Variants in NMBR observed in about 807,000 individuals in gnomAD.
NMBR encodes the protein neuromedin-B receptor.
A neutral mutation model predicts 20.5 loss-of-function variants in NMBR; 16 were observed. The observed-to-expected ratio is 0.78, with a 90% CI of 0.53 to 1.19. The LOEUF is 1.19. NMBR is among the 50% of genes most tolerant of loss of function. NMBR has a pLI of 0.00. For synonymous variants in NMBR, 212 were observed against 196.6 expected (o/e 1.08, Z -0.65); for missense variants, 582 against 499.1 (o/e 1.17, Z -1.58).
chr6:142,104,912 TTA>T (rs1279628212), intron 1 of NMBR, among the ~76,000 whole-genome samples: 15 of 152,198 alleles, frequency 9.9e-5, no homozygotes, highest in African/African-American at 3.6e-4. Flanking sequence ...GGTGGTGGGA[TTA>T]TCATTAGTTC....
At chr6:142,137,820 C>T (rs1022647063) in intron 1 of NMBR, among the ~76,000 whole-genome samples, 1 of 151,948 alleles carries the variant, frequency 6.6e-6, no homozygotes, top group African/African-American at 2.4e-5. Flanking sequence ...CATATTGAAC[C>T]AGCCTTGCAT....
At chr6:142,136,809 T>C (rs1179783948) in intron 1 of NMBR, among the ~76,000 whole-genome samples, 2 of 152,194 alleles carry the variant, frequency 1.3e-5, no homozygotes, top group Non-Finnish European at 2.9e-5. Flanking sequence ...TAGTTGTAGA[T>C]ATGCGGCAGT....
At chr6:142,120,585 A>G (rs1213141157) in intron 1 of NMBR, among the ~76,000 whole-genome samples, 1 of 151,962 alleles carries the variant, frequency 6.6e-6, no homozygotes, top group Admixed American at 6.6e-5. Flanking sequence ...CATTTGAAAT[A>G]CAAACAGGGC....
intron 1 of NMBR, among the ~76,000 whole-genome samples, chr6:142,098,580 C>T (rs571191357): frequency 4.6e-5 from 7 of 152,206 alleles, no homozygotes; most frequent in Non-Finnish European, 7.4e-5. Flanking sequence ...AATTTACAGT[C>T]ACCCTGAAAT....
intron 1 of NMBR, among the ~76,000 whole-genome samples, chr6:142,136,251 G>A (rs1175631835): frequency 6.6e-6 from 1 of 152,208 alleles, no homozygotes; most frequent in African/African-American, 2.4e-5. Flanking sequence ...GGCCAGTGAT[G>A]ATGAGCATTT....
intron 1 of NMBR, among the ~76,000 whole-genome samples, chr6:142,128,969 CT>C (rs1778089631): frequency 6.8e-6 from 1 of 146,502 alleles, no homozygotes; most frequent in African/African-American, 2.5e-5. Flanking sequence ...TTGTTGCAAA[CT>C]ATTAAATTAG....
At chr6:142,097,683 A>G (rs1777483362) in intron 1 of NMBR, among the ~76,000 whole-genome samples, 2 of 152,112 alleles carry the variant, frequency 1.3e-5, no homozygotes, top group African/African-American at 4.8e-5. Context: ...GAAATTACCA[A>G]CCATGAAAAT....
intron 1 of NMBR, chr6:142,133,158 C>T (rs1364228609): frequency 5.9e-6 from 4 of 677,782 alleles, no homozygotes; most frequent in South Asian, 3.1e-5. Flanking sequence ...TCTCCTGAGA[C>T]ATGTCTCTAA....
chr6:142,112,603 G>A (rs754942611), intron 1 of NMBR, among the ~76,000 whole-genome samples: 8 of 152,024 alleles, frequency 5.3e-5, no homozygotes, highest in Non-Finnish European at 1.0e-4. Flanking sequence ...ATCCTCTGTG[G>A]CAATAGGATT....
At chr6:142,109,509 TCA>T in intron 1 of NMBR, among the ~76,000 whole-genome samples, 1 of 136,776 alleles carries the variant, frequency 7.3e-6, no homozygotes, top group African/African-American at 2.7e-5. Context: ...AGTTGGAGTC[TCA>T]CTCTGTTGGC....
intron 1 of NMBR, among the ~76,000 whole-genome samples, chr6:142,092,958 A>G (rs1217773018): frequency 6.6e-6 from 1 of 152,192 alleles, no homozygotes; most frequent in African/African-American, 2.4e-5. Flanking sequence ...TACCAGCCAC[A>G]GTATAACAAC....
chr6:142,137,566 C>T (rs910045641), intron 1 of NMBR, among the ~76,000 whole-genome samples: 6 of 152,156 alleles, frequency 3.9e-5, no homozygotes, highest in African/African-American at 1.4e-4. Context: ...GCATCCCTGT[C>T]TTGTGCCAGT....
chr6:142,076,169 A>C (rs1776943962), intron 3 of NMBR, 120 bp from the exon 4 acceptor site: 2 of 710,240 alleles, frequency 2.8e-6, no homozygotes, highest in Non-Finnish European at 4.5e-6. Context: ...AAAATACATA[A>C]ATTATTTATT....
chr6:142,105,297 G>A (rs931354252), intron 1 of NMBR, among the ~76,000 whole-genome samples: 3 of 152,104 alleles, frequency 2.0e-5, no homozygotes, highest in African/African-American at 7.2e-5. Flanking sequence ...TATACGTGCA[G>A]GTCACAGGCG....
Position 142,088,474 on chromosome 6 carries a change from A to G in NMBR, c.185T>C (p.Ile62Thr). 6.2e-7 allele frequency: 1 copy of G among 1,614,010 alleles called. No homozygotes were observed. The highest frequency in any genetic ancestry group is 2.2e-5 in the East Asian group (1 of 44,860). Residue 62 changes from isoleucine to threonine, a missense_variant, in exon 2 of 4, where the codon ATC (isoleucine) becomes ACC (threonine). Ile to Thr is a moderately conservative substitution (Grantham distance 89, BLOSUM62 -1). Coordinates refer to ENST00000258042, the MANE Select transcript of NMBR (RefSeq NM_002511.4). ...GGTGATGAAGATCTTCACCAGCATG[A>G]TGTTGCCCAGCAAGCCCACGGTGAT... ...LIITVGLLGN[I>T]MLVKIFITNS...
intron 1 of NMBR, among the ~76,000 whole-genome samples, chr6:142,132,038 C>T (rs140926946): frequency 6.6e-6 from 1 of 152,268 alleles, no homozygotes; most frequent in East Asian, 1.9e-4. Flanking sequence ...TCTAACCATT[C>T]TGAGGGATCA....
At position 142,075,562 on chromosome 6, in the gene NMBR, G is replaced by C; in HGVS notation, c.*86C>G. The stretch of plus-strand genomic sequence containing the variant: ...AATCATGCAATTGCCTAATAAATTA[G>C]CTAAGCAACAGCAAGTTCTGATCTG... On this transcript the variant is annotated 3_prime_UTR_variant, in exon 4 of 4. Coordinates refer to ENST00000258042, the MANE Select transcript of NMBR (RefSeq NM_002511.4). The C allele has an allele frequency of 7.7e-7, 1 of 1,305,910 alleles. No homozygotes were observed. Among genetic ancestry groups the C allele is most frequent in the Middle Eastern group, 1.9e-4 (1 of 5,180 alleles). 80.9% of individuals were successfully genotyped at this position (1,305,910 alleles called of 1,614,324 possible).
At chr6:142,134,985 C>T (rs1422284060) in intron 1 of NMBR, 1 of 473,568 alleles carries the variant, frequency 2.1e-6, no homozygotes, top group Non-Finnish European at 3.7e-6. Context: ...TTATCTTACT[C>T]AGTGAGTACA....
intron 1 of NMBR, among the ~76,000 whole-genome samples, chr6:142,122,923 T>A (rs892827011): frequency 6.6e-5 from 10 of 151,960 alleles, no homozygotes; most frequent in South Asian, 2.1e-4. Context: ...GAGATTCATG[T>A]TGTTTCTATG....
Sources: gnomAD v4.1 joint callset for allele counts (sites outside exome capture counted in the v4.1 genomes callset) on GRCh38, gnomAD v4.1.1 for gene constraint, MANE v1.5 for transcripts, NCBI Gene and HGNC (gene_info 2026-07-23, HGNC 2026-07-21) for gene names.